The following SHROOM3 variants were observed in gnomAD, a reference collection of about 807,000 sequenced individuals.
SHROOM3 encodes protein Shroom3.
In SHROOM3, 47 loss-of-function variants were observed where a neutral mutation model predicts 138.6. That is an observed-to-expected ratio of 0.34 (90% CI 0.27 to 0.43). The LOEUF is 0.43. Ranked by LOEUF, SHROOM3 falls within the 20% of genes least tolerant of loss-of-function variation. SHROOM3 has a pLI of 1.00. For synonymous variants in SHROOM3, 1,062 were observed against 1,063.3 expected, an observed-to-expected ratio of 1.00 and a Z score of 0.02; for missense variants, 2,491 against 2,596.5, an observed-to-expected ratio of 0.96 and a Z score of 0.88.
At chr4:76,771,382 G>A (rs1035182922) in intron 10 of SHROOM3, among the ~76,000 whole-genome samples, 2 of 150,050 alleles carry the variant, frequency 1.3e-5, no homozygotes, top group Non-Finnish European at 1.5e-5. Context: ...AAAAAAAGAT[G>A]TACTGCTGTA....
At chr4:76,614,509 C>T (rs994649252) in intron 2 of SHROOM3, among the ~76,000 whole-genome samples, 2 of 151,986 alleles carry the variant, frequency 1.3e-5, no homozygotes, top group Non-Finnish European at 2.9e-5. Flanking sequence ...TTTTGGGATA[C>T]ATGTGCAGAA....
intron 1 of SHROOM3, among the ~76,000 whole-genome samples, chr4:76,503,977 G>A (rs1732152075): frequency 6.6e-6 from 1 of 151,908 alleles, no homozygotes. Context: ...CCTTTCCCTG[G>A]TCTTGGCTTT....
At chr4:76,463,971 T>C (rs1324314808) in intron 1 of SHROOM3, among the ~76,000 whole-genome samples, 2 of 152,262 alleles carry the variant, frequency 1.3e-5, no homozygotes, top group Admixed American at 1.3e-4. Context: ...ACTAGGGCAG[T>C]GCAGAAGGGA....
Position 76,492,208 on chromosome 4 carries a change from T to G in SHROOM3, c.168+55988T>G, listed in dbSNP as rs576657714. Reference sequence around the variant, plus strand: ...TCCGTTTTCAGAACTGCTGCTCTTTTCATTTGCTTCTTCCCACCTTCCTTG... The same window carrying G: ...TCCGTTTTCAGAACTGCTGCTCTTTGCATTTGCTTCTTCCCACCTTCCTTG... On this transcript the variant is annotated intron_variant, in intron 1 of 10. Coordinates refer to ENST00000296043, the MANE Select transcript of SHROOM3 (RefSeq NM_020859.4). Among the ~76,000 whole-genome samples the G allele has an allele frequency of 3.3e-5, 5 of 152,346 alleles. No homozygotes were observed. The South Asian group carries it at 1.0e-3, about 32-fold the overall frequency.
At chr4:76,522,411 A>G (rs1198980417) in intron 1 of SHROOM3, among the ~76,000 whole-genome samples, 1 of 151,998 alleles carries the variant, frequency 6.6e-6, no homozygotes, top group Non-Finnish European at 1.5e-5. Context: ...TGTCATGCCT[A>G]AAGCTTACTT....
intron 2 of SHROOM3, among the ~76,000 whole-genome samples, chr4:76,569,493 C>T (rs1455038616): frequency 6.6e-6 from 1 of 152,164 alleles, no homozygotes; most frequent in Non-Finnish European, 1.5e-5. Flanking sequence ...TTTCTAGCAC[C>T]AGCCAAGCCT....
intron 5 of SHROOM3, among the ~76,000 whole-genome samples, chr4:76,746,966 G>A (rs1400386613): frequency 6.6e-6 from 1 of 151,792 alleles, no homozygotes; most frequent in Admixed American, 6.6e-5. Flanking sequence ...ACAGGCGCCC[G>A]CCACCAGGCC....
chr4:76,648,984 A>AT (rs1402404485), intron 2 of SHROOM3, among the ~76,000 whole-genome samples: 4 of 135,876 alleles, frequency 2.9e-5, no homozygotes, highest in Admixed American at 2.9e-4. Flanking sequence ...AGGAGGACAA[A>AT]ATTTTTTAAG....
intron 1 of SHROOM3, among the ~76,000 whole-genome samples, chr4:76,500,510 C>G (rs1481997981): frequency 6.6e-6 from 1 of 152,124 alleles, no homozygotes; most frequent in Non-Finnish European, 1.5e-5. Context: ...ATAATCTGTT[C>G]AGCTTTAGTG....
rs78574515 is a variant in SHROOM3, at chr4:76,566,760, T to C, written c.323+10997T>C. Among the ~76,000 whole-genome samples, 709 of 152,358 alleles carry C rather than the reference T, an allele frequency of 4.7e-3. 3 individuals are homozygous for C. The highest frequency in any genetic ancestry group is 0.016 in the African/African-American group (683 of 41,592). On this transcript the variant is annotated intron_variant, in intron 2 of 10. Transcript: ENST00000296043. ...ACACCTGGTTCCATCTGACTTGAGATGAACTGTGGGTTCTTTTTCCTTTGA... is the reference window on the plus strand; with the variant it reads ...ACACCTGGTTCCATCTGACTTGAGACGAACTGTGGGTTCTTTTTCCTTTGA...
At chr4:76,720,074 C>G (rs186933) in intron 3 of SHROOM3, among the ~76,000 whole-genome samples, 3 of 148,538 alleles carry the variant, frequency 2.0e-5, no homozygotes, top group Non-Finnish European at 4.4e-5. Context: ...GCATACCTTT[C>G]TACCTACTGA....
At chr4:76,549,499 G>T (rs965250514) in intron 1 of SHROOM3, among the ~76,000 whole-genome samples, 39 of 152,110 alleles carry the variant, frequency 2.6e-4, no homozygotes, top group African/African-American at 8.9e-4. Context: ...CTCCTGAGTA[G>T]CTAGGATTAC....
intron 2 of SHROOM3, among the ~76,000 whole-genome samples, chr4:76,699,452 A>G (rs1191042456): frequency 1.3e-5 from 2 of 152,196 alleles, no homozygotes; most frequent in East Asian, 3.8e-4. Flanking sequence ...CATTTTACAC[A>G]TGAGAAAATA....
chr4:76,541,084 T>C (rs560093541), intron 1 of SHROOM3, among the ~76,000 whole-genome samples: 1 of 152,356 alleles, frequency 6.6e-6, no homozygotes, highest in East Asian at 1.9e-4. Flanking sequence ...AAAGAAGTTC[T>C]CTTTTCCTTA....
chr4:76,545,526 ACT>A (rs2110023165), intron 1 of SHROOM3, among the ~76,000 whole-genome samples: 1 of 152,148 alleles, frequency 6.6e-6, no homozygotes, highest in African/African-American at 2.4e-5. Context: ...AATCAAGTTA[ACT>A]CTGGTTCTTT....
In SHROOM3 at chr4:76,518,512, T is replaced by C. The variant is rs62300883; in HGVS notation, c.169-37097T>C. On this transcript the variant is annotated intron_variant, in intron 1 of 10. Transcript: ENST00000296043. ...CCTGCCTGCCTTCCTTCCTTCCTTC[T>C]TTCCTTCCTTCCTACCTTCCTTCCT... Among the ~76,000 whole-genome samples, 229 of 147,512 alleles carry C rather than the reference T, an allele frequency of 1.6e-3. 2 individuals carry two copies. Among genetic ancestry groups the C allele is most frequent in the East Asian group, 0.014 (67 of 4,962 alleles).
At chr4:76,717,319 G>T (rs6845884) in intron 3 of SHROOM3, among the ~76,000 whole-genome samples, 1,835 of 152,234 alleles carry the variant, frequency 0.012, 28 homozygotes, top group African/African-American at 0.042. Context: ...CCTAGGTGTA[G>T]TTTTTCTGGT....
At chr4:76,505,373 G>GT (rs923294535) in intron 1 of SHROOM3, among the ~76,000 whole-genome samples, 4 of 152,072 alleles carry the variant, frequency 2.6e-5, no homozygotes, top group South Asian at 4.1e-4. Flanking sequence ...TTTATCATAT[G>GT]TTTTTTCTGC....
intron 1 of SHROOM3, among the ~76,000 whole-genome samples, chr4:76,500,167 A>G (rs181779185): frequency 2.6e-5 from 4 of 152,204 alleles, no homozygotes; most frequent in East Asian, 1.9e-4. Flanking sequence ...CTCCAGATCT[A>G]TACCCTCCTC....
Sources: gnomAD v4.1 joint callset for allele counts (sites outside exome capture counted in the v4.1 genomes callset) on GRCh38, gnomAD v4.1.1 for gene constraint, MANE v1.5 for transcripts, NCBI Gene and HGNC (gene_info 2026-07-23, HGNC 2026-07-21) for gene names.